Variants in TMEM178A observed in about 807,000 individuals in gnomAD.
TMEM178A encodes transmembrane protein 178.
A neutral mutation model predicts 29.1 loss-of-function variants in TMEM178A; 12 were observed. The ratio of observed to expected loss-of-function variants is 0.41; its 90% confidence interval spans 0.26 to 0.67. The LOEUF is 0.67. TMEM178A is among the 30% of genes least tolerant of loss of function. TMEM178A has a pLI of 0.29. For synonymous variants in TMEM178A, 210 were observed against 187.2 expected (o/e 1.12, Z -0.99); for missense variants, 366 against 419.1 (o/e 0.87, Z 1.11).
chr2:39,666,163 G>C lies in TMEM178A; in HGVS notation c.189G>C (p.Ser63=), dbSNP rs776324570. The change falls in exon 1 of 4, where the codon TCG becomes TCC. Residue 63 remains serine, a synonymous_variant. Coordinates refer to ENST00000281961, the MANE Select transcript of TMEM178A (RefSeq NM_152390.3). Reference sequence around the variant, plus strand: ...AGAAGAACCGCCTGATGCCGCTGTCGCACCTGCCGCTGCGGGACTCGCCCC... The same window carrying C: ...AGAAGAACCGCCTGATGCCGCTGTCCCACCTGCCGCTGCGGGACTCGCCCC... ...PDQKNRLMPL[S]HLPLRDSPPL... 10 of 1,490,768 alleles carry C rather than the reference G, an allele frequency of 6.7e-6. No homozygotes were observed. In the African/African-American group the frequency reaches 8.8e-5, roughly 13 times the overall value. 92.3% of individuals were successfully genotyped at this position (1,490,768 alleles called of 1,614,324 possible).
At chr2:39,688,305 T>C (rs1363499375) in intron 1 of TMEM178A, among the ~76,000 whole-genome samples, 1 of 152,242 alleles carries the variant, frequency 6.6e-6, no homozygotes, top group Non-Finnish European at 1.5e-5. Context: ...GTCTCAAAAG[T>C]GTGCTTATCT....
At chr2:39,722,709 A>G (rs191279289), downstream of TMEM178A, among the ~76,000 whole-genome samples, 36 of 152,322 alleles carry the variant, frequency 2.4e-4, no homozygotes, top group African/African-American at 8.4e-4. Flanking sequence ...GCTTCAGGTA[A>G]GCATTTCCCT....
chr2:39,714,735 T>A (rs770436454), intron 3 of TMEM178A, among the ~76,000 whole-genome samples: 27 of 152,130 alleles, frequency 1.8e-4, no homozygotes, highest in Admixed American at 6.5e-5. Context: ...AACCGGTGGT[T>A]TAATGATAGA....
intron 1 of TMEM178A, among the ~76,000 whole-genome samples, chr2:39,683,262 G>C (rs1473955439): frequency 6.6e-6 from 1 of 152,028 alleles, no homozygotes; most frequent in Non-Finnish European, 1.5e-5. Context: ...CTCCTCCATC[G>C]TCCGTCCCCA....
At chr2:39,734,662 C>T in the TMEM178A span, among the ~76,000 whole-genome samples, 1 of 152,212 alleles carries the variant, frequency 6.6e-6, no homozygotes, top group East Asian at 1.9e-4. Flanking sequence ...TAAACAAGAT[C>T]TGCTAGTTTA....
chr2:39,674,287 A>G (rs1670522924), intron 1 of TMEM178A, among the ~76,000 whole-genome samples: 1 of 152,254 alleles, frequency 6.6e-6, no homozygotes, highest in Admixed American at 6.5e-5. Context: ...CCCATCAATC[A>G]GAGTGGATAA....
rs1328506611 is a variant in TMEM178A, at chr2:39,717,860, A to G, written c.*609A>G. 2 of 152,694 alleles carry G rather than the reference A, an allele frequency of 1.3e-5. No homozygotes were observed. The highest frequency in any genetic ancestry group is 2.9e-5 in the Non-Finnish European group (2 of 68,228). 9.5% of individuals were successfully genotyped at this position (152,694 alleles called of 1,614,324 possible). A position where few individuals can be genotyped will look rare whatever the true frequency, so the allele number is the denominator to read the frequency against. ...GATAAACAGATCAAACGTGCTTAAG[A>G]GCTAACTCGTGACACTATGCAGTAT... On this transcript the variant is annotated 3_prime_UTR_variant, in exon 4 of 4. Coordinates refer to ENST00000281961, the MANE Select transcript of TMEM178A (RefSeq NM_152390.3).
chr2:39,722,836 C>A (rs1672729126), downstream of TMEM178A, among the ~76,000 whole-genome samples: 1 of 152,198 alleles, frequency 6.6e-6, no homozygotes, highest in African/African-American at 2.4e-5. Flanking sequence ...CAGAGTCTGA[C>A]CAGGCCACTG....
intron 3 of TMEM178A, among the ~76,000 whole-genome samples, chr2:39,716,646 C>T (rs532294300): frequency 9.2e-5 from 14 of 152,022 alleles, no homozygotes; most frequent in Non-Finnish European, 1.6e-4. Context: ...CTATTTTGTG[C>T]TTGATTTGAG....
At chr2:39,718,980 C>G (rs960647904), downstream of TMEM178A, among the ~76,000 whole-genome samples, 4 of 152,168 alleles carry the variant, frequency 2.6e-5, no homozygotes, top group South Asian at 4.1e-4. Context: ...ATCATCTACT[C>G]CCAAAGGATA....
At chr2:39,708,196 A>G (rs1351704918) in intron 3 of TMEM178A, among the ~76,000 whole-genome samples, 1 of 152,140 alleles carries the variant, frequency 6.6e-6, no homozygotes, top group Admixed American at 6.5e-5. Context: ...GGTGGTAGGA[A>G]GAGCGTAGCA....
At chr2:39,713,169 C>G (rs550787482) in intron 3 of TMEM178A, among the ~76,000 whole-genome samples, 1 of 152,182 alleles carries the variant, frequency 6.6e-6, no homozygotes, top group African/African-American at 2.4e-5. Context: ...CAATGTTGAA[C>G]TGAGTCCAAT....
the TMEM178A span, among the ~76,000 whole-genome samples, chr2:39,729,987 C>G: frequency 6.6e-6 from 1 of 152,084 alleles, no homozygotes; most frequent in Admixed American, 6.6e-5. Context: ...TAAATTATCT[C>G]CAAAAAAACC....
chr2:39,689,605 G>GT (rs1671227484), intron 1 of TMEM178A, among the ~76,000 whole-genome samples: 1 of 152,182 alleles, frequency 6.6e-6, no homozygotes, highest in South Asian at 2.1e-4. Context: ...TGTGTACAGA[G>GT]TTTTTGTTTT....
chr2:39,706,159 T>C (rs1439439269), intron 2 of TMEM178A, among the ~76,000 whole-genome samples: 1 of 152,210 alleles, frequency 6.6e-6, no homozygotes, highest in Non-Finnish European at 1.5e-5. Flanking sequence ...AGCCTACCTC[T>C]TGGTTTTGTC....
At chr2:39,707,609 C>T (rs1304233866) in intron 3 of TMEM178A, among the ~76,000 whole-genome samples, 6 of 152,186 alleles carry the variant, frequency 3.9e-5, no homozygotes, top group African/African-American at 1.4e-4. Flanking sequence ...GTAGCTGGGA[C>T]TACAGGCATG....
rs1672569180 is a variant in TMEM178A at position 39,717,023 on chromosome 2, C to T, written c.666C>T (p.Thr222=). 9 of 1,610,644 alleles carry T rather than the reference C, an allele frequency of 5.6e-6. No individual in the cohort carries two copies. The highest frequency in any genetic ancestry group is 5.5e-5 in the South Asian group (5 of 90,648). The change falls in exon 4 of 4, where the codon ACC becomes ACT. Residue 222 remains threonine (T), a synonymous_variant. Coordinates refer to ENST00000281961, the MANE Select transcript of TMEM178A (RefSeq NM_152390.3). ...LLFLMTGIFC[T]ISLCTYAASI... ...TATTATTTATAGGGATATTTTGCAC[C>T]ATTTCCCTCTGTACTTATGCCGCCA...
the TMEM178A span, among the ~76,000 whole-genome samples, chr2:39,726,119 T>G: frequency 2.6e-5 from 4 of 152,232 alleles, no homozygotes; most frequent in African/African-American, 9.7e-5. Context: ...TTTGTTCTTT[T>G]TTCCTTTGTG....
At chr2:39,708,277 T>C (rs1440724196) in intron 3 of TMEM178A, among the ~76,000 whole-genome samples, 1 of 151,578 alleles carries the variant, frequency 6.6e-6, no homozygotes, top group Non-Finnish European at 1.5e-5. Flanking sequence ...AGGGACAGGA[T>C]AGTATCACAT....
Sources: allele counts gnomAD v4.1 joint callset (sites outside exome capture counted in the v4.1 genomes callset), GRCh38; gene constraint gnomAD v4.1.1; transcripts MANE v1.5; gene names NCBI Gene and HGNC (gene_info 2026-07-23, HGNC 2026-07-21).